PCDH15: variants seen among roughly 807,000 people sequenced by gnomAD.
PCDH15 encodes protocadherin related 15, also known as protocadherin-15.
A neutral mutation model predicts 178.5 loss-of-function variants in PCDH15; 129 were observed. The observed-to-expected ratio is 0.72, with a 90% CI of 0.63 to 0.84. PCDH15 has a LOEUF of 0.84. PCDH15 is among the 40% of genes least tolerant of loss of function. The probability of loss-of-function intolerance (pLI) is 0.00; values close to 1 mark genes in which losing one functional copy is unlikely to be tolerated. For missense variants in PCDH15, 2,230 were observed against 2,099.9 expected (o/e 1.06, Z -1.21); for synonymous variants, 800 against 732.0 (o/e 1.09, Z -1.50).
intron 2 of PCDH15, among the ~76,000 whole-genome samples, chr10:54,593,679 A>G (rs1343272019): frequency 6.6e-6 from 1 of 152,094 alleles, no homozygotes; most frequent in Non-Finnish European, 1.5e-5. Flanking sequence ...TTCCATATAA[A>G]TTTTAGAATT....
At chr10:53,945,918 TTTTG>T (rs1490976244) in intron 23 of PCDH15, among the ~76,000 whole-genome samples, 2 of 147,510 alleles carry the variant, frequency 1.4e-5, no homozygotes, top group Non-Finnish European at 3.0e-5. Context: ...CTGATAGATA[TTTTG>T]TTTGACTCCA....
intron 18 of PCDH15, among the ~76,000 whole-genome samples, chr10:54,042,052 T>A (rs2093559289): frequency 2.6e-5 from 4 of 152,072 alleles, no homozygotes; most frequent in African/African-American, 9.7e-5. Context: ...ATGACTTAGA[T>A]TCAGGGATGA....
At position 55,240,671 on chromosome 10, in the gene PCDH15, T is replaced by C. The variant is rs189118840; in HGVS notation, c.-155-74020A>G. ...ACAGTTCATAATATGTTTCTCTGTT[T>C]CTTACTGATGTTTTTATGACAGTTC... On this transcript the variant is annotated intron_variant, in intron 1 of 5. Transcript: ENST00000458638. 4.2e-3 allele frequency among the ~76,000 whole-genome samples: 643 copies of C among 152,336 alleles called. 4 individuals carry two copies. The highest frequency in any genetic ancestry group is 7.3e-3 in the Non-Finnish European group (495 of 68,028).
chr10:54,594,008 G>A (rs79723606), intron 2 of PCDH15, among the ~76,000 whole-genome samples: 1,922 of 152,086 alleles, frequency 0.013, 43 homozygotes, highest in African/African-American at 0.044. Flanking sequence ...GATACAGAAG[G>A]TGGGATAAAG....
At chr10:53,971,736 G>A (rs2089707445) in intron 21 of PCDH15, among the ~76,000 whole-genome samples, 1 of 152,284 alleles carries the variant, frequency 6.6e-6, no homozygotes, top group Non-Finnish European at 1.5e-5. Flanking sequence ...TACAAGGGAT[G>A]TGAAGGACCT....
At chr10:55,586,994 G>A (rs1343817674) in intron 2 of PCDH15, among the ~76,000 whole-genome samples, 1 of 151,988 alleles carries the variant, frequency 6.6e-6, no homozygotes. Context: ...GGTTAAAGTG[G>A]GAACAGAAGT....
chr10:54,701,990 C>A (rs575264796), intron 1 of PCDH15, among the ~76,000 whole-genome samples: 1 of 152,048 alleles, frequency 6.6e-6, no homozygotes, highest in East Asian at 1.9e-4. Flanking sequence ...CACCAAAAAA[C>A]AACATAATAT....
At chr10:53,917,850 T>A (rs976214447) in intron 25 of PCDH15, among the ~76,000 whole-genome samples, 3 of 152,126 alleles carry the variant, frequency 2.0e-5, no homozygotes, top group African/African-American at 7.2e-5. Flanking sequence ...TCCTTGGTGA[T>A]GAGAGATTTC....
intron 2 of PCDH15, among the ~76,000 whole-genome samples, chr10:55,037,713 C>T (rs1320986471): frequency 5.3e-5 from 8 of 152,066 alleles, no homozygotes; most frequent in Admixed American, 5.2e-4. Flanking sequence ...GCAATGTTAC[C>T]TTTTATTTGT....
At chr10:55,268,759 T>C (rs1053557402) in intron 1 of PCDH15, among the ~76,000 whole-genome samples, 2 of 152,146 alleles carry the variant, frequency 1.3e-5, no homozygotes, top group Non-Finnish European at 2.9e-5. Context: ...TGTTTGCAAG[T>C]TGAAACCTAG....
chr10:54,559,256 T>C (rs1468276616), intron 2 of PCDH15, among the ~76,000 whole-genome samples: 5 of 152,090 alleles, frequency 3.3e-5, no homozygotes, highest in Admixed American at 1.3e-4. Flanking sequence ...ATAATAATCC[T>C]TATTACTTTG....
At chr10:54,193,517 TG>T (rs2049250091) in intron 11 of PCDH15, among the ~76,000 whole-genome samples, 1 of 152,122 alleles carries the variant, frequency 6.6e-6, no homozygotes, top group Admixed American at 6.5e-5. Flanking sequence ...CTAAAATTTG[TG>T]GGACATTAGT....
chr10:54,853,460 CA>C (rs1953680178), intron 3 of PCDH15, among the ~76,000 whole-genome samples: 1 of 140,514 alleles, frequency 7.1e-6, no homozygotes, highest in Non-Finnish European at 1.5e-5. Context: ...TATACACATA[CA>C]TATATATATA....
intron 2 of PCDH15, among the ~76,000 whole-genome samples, chr10:55,519,269 C>T (rs1046653501): frequency 1.7e-5 from 2 of 121,186 alleles, no homozygotes; most frequent in Non-Finnish European, 3.3e-5. Context: ...CACCCTCCAG[C>T]GAATTATGCT....
At chr10:55,279,560 G>A (rs1050543476) in intron 1 of PCDH15, among the ~76,000 whole-genome samples, 15 of 152,122 alleles carry the variant, frequency 9.9e-5, no homozygotes, top group African/African-American at 3.1e-4. Context: ...TTAGTTTAAT[G>A]CTGTTTCATT....
At chr10:54,298,068 G>A (rs1467915207) in intron 8 of PCDH15, among the ~76,000 whole-genome samples, 3 of 152,054 alleles carry the variant, frequency 2.0e-5, no homozygotes, top group Non-Finnish European at 4.4e-5. Context: ...GTTGACCTGT[G>A]TTCTAGAAGG....
chr10:53,994,891 TAA>T (rs991899082), intron 21 of PCDH15: 2 of 152,104 alleles, frequency 1.3e-5, no homozygotes, highest in African/African-American at 4.8e-5. Context: ...AAATCACTTA[TAA>T]GATTCAGGAT....
intron 15 of PCDH15, among the ~76,000 whole-genome samples, chr10:54,112,199 C>T (rs887754853): frequency 7.9e-5 from 12 of 151,844 alleles, no homozygotes; most frequent in East Asian, 3.9e-4. Context: ...ATTCCTCTGG[C>T]GACCATATTC....
intron 2 of PCDH15, among the ~76,000 whole-genome samples, chr10:55,045,924 T>C (rs1449412761): frequency 6.6e-6 from 1 of 152,038 alleles, no homozygotes; most frequent in Non-Finnish European, 1.5e-5. Flanking sequence ...AAATATACAG[T>C]ATAGCTGTAA....
Sources: gnomAD v4.1 joint callset for allele counts (sites outside exome capture counted in the v4.1 genomes callset) on GRCh38, gnomAD v4.1.1 for gene constraint, MANE v1.5 for transcripts, NCBI Gene and HGNC (gene_info 2026-07-23, HGNC 2026-07-21) for gene names.